ST8SIA1: variants seen among roughly 807,000 people sequenced by gnomAD.
ST8SIA1 encodes the protein ST8 alpha-N-acetyl-neuraminide alpha-2,8-sialyltransferase 1, also known as alpha-N-acetylneuraminide alpha-2,8-sialyltransferase.
Under a neutral mutation model 35.9 loss-of-function variants are expected in ST8SIA1, and 16 were observed. That is an observed-to-expected ratio of 0.45 (90% CI 0.30 to 0.68). The LOEUF (loss-of-function observed/expected upper bound fraction) is 0.68, where lower values mean the gene tolerates loss of function less well. ST8SIA1 is among the 30% of genes least tolerant of loss of function. The probability of loss-of-function intolerance (pLI) is 0.09; values close to 1 mark genes in which losing one functional copy is unlikely to be tolerated. For synonymous variants in ST8SIA1, 170 were observed against 169.6 expected (o/e 1.00, Z -0.02); for missense variants, 383 against 453.6 (o/e 0.84, Z 1.41).
At chr12:22,325,972 T>C (rs912343380) in intron 1 of ST8SIA1, 7 of 657,160 alleles carry the variant, frequency 1.1e-5, no homozygotes, top group African/African-American at 3.6e-5. Flanking sequence ...CAAGACATAG[T>C]GGGACAAAGT....
chr12:22,331,682 G>A (rs957314944), intron 1 of ST8SIA1, among the ~76,000 whole-genome samples: 4 of 152,290 alleles, frequency 2.6e-5, no homozygotes, highest in African/African-American at 9.6e-5. Flanking sequence ...AACATTAAAT[G>A]TGCAGGTAAA....
At chr12:22,321,704 G>C (rs544668130) in intron 1 of ST8SIA1, among the ~76,000 whole-genome samples, 40 of 152,336 alleles carry the variant, frequency 2.6e-4, no homozygotes, top group Non-Finnish European at 4.8e-4. Context: ...CGGGGTGGAG[G>C]TCAGGAGGTA....
rs555129392 is a variant in ST8SIA1, at chr12:22,259,758, G to A, written c.382-4369C>T. ...TGGGATTACAGGCATGAGCCACCGC[G>A]CCCGGCCAAAAATACTATGGATTTT... On this transcript the variant is annotated intron_variant, in intron 2 of 4. Transcript: ENST00000396037. Among the ~76,000 whole-genome samples, 7 of 152,158 alleles carry A rather than the reference G, an allele frequency of 4.6e-5. No homozygotes were observed. The East Asian group carries it at 9.7e-4, about 21-fold the overall frequency.
chr12:22,317,412 A>C (rs141889465), intron 1 of ST8SIA1, among the ~76,000 whole-genome samples: 1 of 152,348 alleles, frequency 6.6e-6, no homozygotes, highest in African/African-American at 2.4e-5. Flanking sequence ...GGAGTATCTC[A>C]GCTGGAGGGC....
intron 4 of ST8SIA1, among the ~76,000 whole-genome samples, chr12:22,226,686 T>C (rs1865362768): frequency 6.6e-6 from 1 of 152,094 alleles, no homozygotes; most frequent in African/African-American, 2.4e-5. Flanking sequence ...TATTAAGGGG[T>C]TTACTTTCTG....
At chr12:22,205,182 C>T (rs1297170651) in intron 4 of ST8SIA1, among the ~76,000 whole-genome samples, 2 of 152,142 alleles carry the variant, frequency 1.3e-5, no homozygotes, top group East Asian at 3.8e-4. Context: ...ATTGCTCATA[C>T]TCTCTAAGAC....
chr12:22,217,688 G>T (rs1213920255), intron 4 of ST8SIA1, among the ~76,000 whole-genome samples: 1 of 152,278 alleles, frequency 6.6e-6, no homozygotes, highest in South Asian at 2.1e-4. Flanking sequence ...ACTTAGAATA[G>T]TGCCTGGCAC....
intron 1 of ST8SIA1, among the ~76,000 whole-genome samples, chr12:22,307,616 C>T (rs1036983195): frequency 6.6e-6 from 1 of 152,172 alleles, no homozygotes; most frequent in Non-Finnish European, 1.5e-5. Context: ...TGCAACAGAA[C>T]TGACTTCCTT....
At chr12:22,222,246 C>T (rs1330015515) in intron 4 of ST8SIA1, among the ~76,000 whole-genome samples, 2 of 152,216 alleles carry the variant, frequency 1.3e-5, no homozygotes, top group Non-Finnish European at 2.9e-5. Flanking sequence ...GCAGTCAAAT[C>T]ATCCCTCAGA....
intron 4 of ST8SIA1, among the ~76,000 whole-genome samples, chr12:22,234,804 G>A (rs1268676375): frequency 6.6e-6 from 1 of 152,236 alleles, no homozygotes; most frequent in Admixed American, 6.5e-5. Context: ...GAGGCTGTAA[G>A]AAGCAGCTGT....
chr12:22,254,729 C>G (rs566812619), intron 3 of ST8SIA1, among the ~76,000 whole-genome samples: 2 of 152,152 alleles, frequency 1.3e-5, no homozygotes, highest in Admixed American at 6.5e-5. Context: ...CTGGAACTGA[C>G]GTGCACATCA....
chr12:22,205,173 T>C lies in ST8SIA1; in HGVS notation c.585-3135A>G, dbSNP rs73265961. Among the ~76,000 whole-genome samples, 554 of 152,294 alleles carry C rather than the reference T, an allele frequency of 3.6e-3. 8 individuals are homozygous for C. The highest frequency in any genetic ancestry group is 0.011 in the African/African-American group (474 of 41,566). Reference sequence around the variant, plus strand: ...TCTTCTTTGAATTCCTGAATAATAATTGCTCATACTCTCTAAGACTATGTA... The same window carrying C: ...TCTTCTTTGAATTCCTGAATAATAACTGCTCATACTCTCTAAGACTATGTA... On this transcript the variant is annotated intron_variant, in intron 4 of 4. Transcript: ENST00000396037.
intron 3 of ST8SIA1, among the ~76,000 whole-genome samples, chr12:22,249,499 C>CACCT: frequency 1.3e-5 from 2 of 152,258 alleles, no homozygotes; most frequent in South Asian, 4.1e-4. Context: ...GGATTACAGG[C>CACCT]GTGAGCCACT....
chr12:22,282,425 G>A (rs1337335172), intron 2 of ST8SIA1, among the ~76,000 whole-genome samples: 1 of 152,174 alleles, frequency 6.6e-6, no homozygotes, highest in Non-Finnish European at 1.5e-5. Flanking sequence ...GAACTTCCCA[G>A]GCTTTCTTGC....
intron 3 of ST8SIA1, among the ~76,000 whole-genome samples, chr12:22,252,893 G>A (rs888146696): frequency 6.6e-6 from 1 of 152,170 alleles, no homozygotes; most frequent in Non-Finnish European, 1.5e-5. Flanking sequence ...TGCACGAAGT[G>A]TATTTACATT....
rs1193075653 is a variant in ST8SIA1 at position 22,193,597 on chromosome 12, G to C, written c.*7955C>G. ...AAGAAGCAAGTCAGCAGAACCAACA[G>C]AGATAGATACTAATTTTTCTAATCA... On this transcript the variant is annotated 3_prime_UTR_variant, in exon 5 of 5. Coordinates refer to ENST00000396037, the MANE Select transcript of ST8SIA1 (RefSeq NM_003034.4). The C allele has an allele frequency of 6.6e-6, 1 of 152,154 alleles. No individual in the cohort carries two copies. Among genetic ancestry groups the C allele is most frequent in the Non-Finnish European group, 1.5e-5 (1 of 68,014 alleles). 9.4% of individuals were successfully genotyped at this position (152,154 alleles called of 1,614,324 possible).
chr12:22,299,087 G>A (rs1159904316), intron 1 of ST8SIA1, among the ~76,000 whole-genome samples: 1 of 152,036 alleles, frequency 6.6e-6, no homozygotes, highest in Non-Finnish European at 1.5e-5. Flanking sequence ...TGAGGTAAAT[G>A]TAATGGGATA....
At chr12:22,333,283 A>AGC (rs1302494638) in intron 1 of ST8SIA1, among the ~76,000 whole-genome samples, 1 of 152,200 alleles carries the variant, frequency 6.6e-6, no homozygotes, top group Non-Finnish European at 1.5e-5. Flanking sequence ...CAATAAAAAG[A>AGC]GCTGGGAGCT....
intron 1 of ST8SIA1, among the ~76,000 whole-genome samples, chr12:22,322,495 T>C (rs1866614527): frequency 6.6e-6 from 1 of 152,242 alleles, no homozygotes; most frequent in Non-Finnish European, 1.5e-5. Context: ...CTAAAAGGTA[T>C]TCAGACAGCT....
Sources: gnomAD v4.1 joint callset for allele counts (sites outside exome capture counted in the v4.1 genomes callset) on GRCh38, gnomAD v4.1.1 for gene constraint, MANE v1.5 for transcripts, NCBI Gene and HGNC (gene_info 2026-07-23, HGNC 2026-07-21) for gene names.